NT5C3A: variants seen among roughly 807,000 people sequenced by gnomAD.
The protein encoded by NT5C3A is cytosolic 5'-nucleotidase 3A.
NT5C3A carries 23 observed loss-of-function variants against 40.0 expected under a neutral mutation model. That is an observed-to-expected ratio of 0.58 (90% confidence interval 0.41 to 0.81). NT5C3A has a LOEUF of 0.81. NT5C3A is among the 40% of genes least tolerant of loss of function. The pLI is 0.00. For missense variants in NT5C3A, 328 were observed against 403.0 expected (o/e 0.81, Z 1.59); for synonymous variants, 130 against 141.4 (o/e 0.92, Z 0.57).
At chr7:33,017,111 A>T (rs1785376226) in intron 7 of NT5C3A, 1 of 253,830 alleles carries the variant, frequency 3.9e-6, no homozygotes, top group African/African-American at 2.3e-5. Context: ...TGAACCCAGG[A>T]GACAGAGGTT....
At chr7:33,029,847 G>GT (rs1583920938) in intron 1 of NT5C3A, 4 of 411,984 alleles carry the variant, frequency 9.7e-6, no homozygotes, top group Non-Finnish European at 1.8e-5. Context: ...GATTACAGGT[G>GT]TAAGCCACCA....
At chr7:33,051,427 G>A (rs1405695158) in intron 1 of NT5C3A, among the ~76,000 whole-genome samples, 2 of 152,172 alleles carry the variant, frequency 1.3e-5, no homozygotes, top group African/African-American at 2.4e-5. Flanking sequence ...CTCCCAAAGT[G>A]CTGGGATTAT....
At position 33,019,772 on chromosome 7, in the gene NT5C3A, A is replaced by G. The variant is rs554538970; in HGVS notation, c.441-48T>C. 23 of 973,638 alleles carry G rather than the reference A, an allele frequency of 2.4e-5. No individual in the cohort carries two copies. The African/African-American group carries it at 2.7e-4, about 11-fold the overall frequency. 60.3% of individuals were successfully genotyped at this position (973,638 alleles called of 1,614,324 possible). On this transcript the variant is annotated intron_variant, in intron 5 of 8. Coordinates refer to ENST00000610140, the MANE Select transcript of NT5C3A (RefSeq NM_001002010.5). Reference sequence around the variant, plus strand: ...AAAAGACTATCAATTAAGACAAACTAAAATTATTATCTTTATTACAAAACA... The same window carrying G: ...AAAAGACTATCAATTAAGACAAACTGAAATTATTATCTTTATTACAAAACA...
At chr7:33,019,855 G>A (rs1215527261) in intron 5 of NT5C3A, 131 bp from the exon 6 acceptor site, 6 of 667,810 alleles carry the variant, frequency 9.0e-6, no homozygotes, top group Non-Finnish European at 1.6e-5. Flanking sequence ...AGAGATTGAA[G>A]TTCATCACTA....
chr7:33,030,868 G>A (rs1208236338), intron 1 of NT5C3A, among the ~76,000 whole-genome samples: 2 of 152,078 alleles, frequency 1.3e-5, no homozygotes, highest in Non-Finnish European at 2.9e-5. Context: ...GGGAGGCTGA[G>A]GCGGGCGGAT....
intron 1 of NT5C3A, among the ~76,000 whole-genome samples, chr7:33,062,084 A>C (rs1287832270): frequency 6.6e-6 from 1 of 152,172 alleles, no homozygotes; most frequent in Non-Finnish European, 1.5e-5. Context: ...GCACATTTTC[A>C]TAATCTAACT....
Position 33,014,492 on chromosome 7 carries a change from C to G in NT5C3A, c.*238G>C, listed in dbSNP as rs1562582575. The G allele has an allele frequency of 2.2e-6, 1 of 455,052 alleles. No individual in the cohort carries two copies. The allele number at this position is 455,052 out of a possible 1,614,324, so 28.2% of individuals were successfully genotyped here. The stretch of plus-strand genomic sequence containing the variant: ...TTTGGAAAAGTAGGGAGTTATTTTT[C>G]TAATTTTAGCTTTTTTTTTTTTTTA... On this transcript the variant is annotated 3_prime_UTR_variant, in exon 9 of 9. Coordinates refer to ENST00000610140, the MANE Select transcript of NT5C3A (RefSeq NM_001002010.5).
chr7:33,014,650 AAAT>A lies in NT5C3A; in HGVS notation c.*77_*79del. 2 of 1,577,254 alleles carry A rather than the reference AAAT, an allele frequency of 1.3e-6. No homozygotes were observed. Among genetic ancestry groups the A allele is most frequent in the East Asian group, 4.5e-5 (2 of 44,106 alleles). ...CACTTCGAGAGTAAGGATATATTAT[AAAT>A]AAGTCTCTCAGCAAGATGAACGGAT... On this transcript the variant is annotated 3_prime_UTR_variant, in exon 9 of 9. Coordinates refer to ENST00000610140, the MANE Select transcript of NT5C3A (RefSeq NM_001002010.5).
chr7:33,030,924 C>G (rs1786213785), intron 1 of NT5C3A, among the ~76,000 whole-genome samples: 1 of 151,578 alleles, frequency 6.6e-6, no homozygotes, highest in Non-Finnish European at 1.5e-5. Context: ...ACGGTGAAAC[C>G]CTGTCTCTAC....
chr7:33,023,549 G>A (rs1411533299), intron 3 of NT5C3A, among the ~76,000 whole-genome samples: 4 of 152,080 alleles, frequency 2.6e-5, no homozygotes, highest in African/African-American at 9.7e-5. Flanking sequence ...ATGAGTGACC[G>A]CACCCAGCCC....
Position 33,014,744 on chromosome 7 carries a change from G to A in NT5C3A, c.982C>T (p.Gln328Ter). ...ESLEVANSIL[Q>*]KIL ...AGAATGCTTGTTTATAGAATCTTCT[G>A]TAAAATAGAGTTGGCTACTTCTAAT... Residue 328 changes from glutamine (Q) to a stop codon, truncating the protein, a stop_gained, in exon 9 of 9, where the codon CAG becomes TAG. Transcript: ENST00000610140. LOFTEE classifies it high-confidence loss of function. 4.3e-6 allele frequency: 7 copies of A among 1,612,168 alleles called. No homozygotes were observed. Among genetic ancestry groups the A allele is most frequent in the Non-Finnish European group, 5.9e-6 (7 of 1,179,612 alleles).
At chr7:33,042,182 C>A (rs1256344097) in intron 1 of NT5C3A, among the ~76,000 whole-genome samples, 1 of 151,794 alleles carries the variant, frequency 6.6e-6, no homozygotes. Flanking sequence ...ACCAAAAATA[C>A]AAAAAATTAG....
chr7:33,053,778 G>A (rs538379852), intron 1 of NT5C3A, among the ~76,000 whole-genome samples: 7 of 152,198 alleles, frequency 4.6e-5, no homozygotes, highest in African/African-American at 9.6e-5. Flanking sequence ...GACTCCATCT[G>A]TTAGGTAAAT....
chr7:33,057,367 T>C (rs557685046), intron 1 of NT5C3A, among the ~76,000 whole-genome samples: 117 of 151,962 alleles, frequency 7.7e-4, no homozygotes, highest in African/African-American at 2.5e-3. Context: ...TACAAAAAAA[T>C]ACAAAAATTA....
At chr7:33,055,020 C>T (rs969238317) in intron 1 of NT5C3A, among the ~76,000 whole-genome samples, 44 of 152,108 alleles carry the variant, frequency 2.9e-4, no homozygotes, top group African/African-American at 1.0e-3. Flanking sequence ...TATCTTTACT[C>T]GGGGTAAACA....
intron 6 of NT5C3A, among the ~76,000 whole-genome samples, chr7:33,018,183 A>G (rs1029527143): frequency 6.6e-6 from 1 of 152,226 alleles, no homozygotes; most frequent in African/African-American, 2.4e-5. Flanking sequence ...ATACATTTAC[A>G]TGATTAAAAT....
At chr7:33,036,702 G>A (rs17170228) in intron 1 of NT5C3A, among the ~76,000 whole-genome samples, 8,115 of 152,162 alleles carry the variant, frequency 0.053, 264 homozygotes, top group East Asian at 0.16. Context: ...TGCTACTACC[G>A]AATCAATATA....
At position 33,062,648 on chromosome 7, in the gene NT5C3A, G is replaced by A. The variant is rs1787830599; in HGVS notation, c.58C>T (p.Leu20=). 1 of 1,598,014 alleles carries A rather than the reference G, an allele frequency of 6.3e-7. No homozygotes were observed. Among genetic ancestry groups the A allele is most frequent in the Non-Finnish European group, 8.5e-7 (1 of 1,173,292 alleles). ...GAVASASVCA[L]VAGVVLAQYI... Reference sequence around the variant, plus strand: ...TGAGCCAGCACCACCCCCGCCACCAGGGCGCACACGCTGGCGCTCGCTACC... The same window carrying A: ...TGAGCCAGCACCACCCCCGCCACCAAGGCGCACACGCTGGCGCTCGCTACC... Residue 20 remains leucine (L), a synonymous_variant, in exon 1 of 9, where the codon CTG becomes TTG. Transcript: ENST00000610140.
At chr7:33,035,190 T>TG (rs1786521103) in intron 1 of NT5C3A, among the ~76,000 whole-genome samples, 1 of 8,386 alleles carries the variant, frequency 1.2e-4, no homozygotes, top group South Asian at 8.6e-3. Flanking sequence ...AAGGAATGAG[T>TG]TTTTTTTTTT....
Sources: gnomAD v4.1 joint callset for allele counts (sites outside exome capture counted in the v4.1 genomes callset) on GRCh38, gnomAD v4.1.1 for gene constraint, MANE v1.5 for transcripts, NCBI Gene and HGNC (gene_info 2026-07-23, HGNC 2026-07-21) for gene names.